The following MEMO1 variants were observed in gnomAD, a reference collection of about 807,000 sequenced individuals.
MEMO1 encodes protein MEMO1.
Under a neutral mutation model 45.2 loss-of-function variants are expected in MEMO1, and 6 were observed. The observed-to-expected ratio is 0.13, with a 90% CI of 0.07 to 0.26. The LOEUF (loss-of-function observed/expected upper bound fraction) is 0.26. Among genes scored for constraint, MEMO1 ranks in the 10% least tolerant of loss-of-function variants. The probability of loss-of-function intolerance (pLI) is 1.00; values close to 1 mark genes in which losing one functional copy is unlikely to be tolerated. For missense variants in MEMO1, 184 were observed against 370.5 expected (o/e 0.50, Z 4.13); for synonymous variants, 78 against 124.3 (o/e 0.63, Z 2.48).
intron 2 of MEMO1, among the ~76,000 whole-genome samples, chr2:31,998,425 A>G (rs1672864402): frequency 6.6e-6 from 1 of 152,120 alleles, no homozygotes; most frequent in South Asian, 2.1e-4. Flanking sequence ...TCATGTTGGA[A>G]TGTTCTAAGG....
At chr2:31,869,476 A>C (rs1673346060) in intron 9 of MEMO1, among the ~76,000 whole-genome samples, 1 of 152,108 alleles carries the variant, frequency 6.6e-6, no homozygotes, top group Admixed American at 6.5e-5. Flanking sequence ...TTAAGAGCAG[A>C]ATCTTCCACT....
intron 4 of MEMO1, among the ~76,000 whole-genome samples, chr2:31,928,747 A>C (rs1040874229): frequency 3.9e-5 from 6 of 152,044 alleles, no homozygotes; most frequent in Admixed American, 1.3e-4. Context: ...ACACATGCAA[A>C]CTATTAGCAT....
chr2:31,986,190 C>T (rs534358573), intron 2 of MEMO1, among the ~76,000 whole-genome samples: 5 of 152,174 alleles, frequency 3.3e-5, no homozygotes, highest in African/African-American at 1.2e-4. Context: ...GTCAGGTGGT[C>T]GAGACCATCC....
intron 2 of MEMO1, among the ~76,000 whole-genome samples, chr2:31,946,356 G>A (rs1173143731): frequency 6.6e-6 from 1 of 151,816 alleles, no homozygotes; most frequent in Non-Finnish European, 1.5e-5. Context: ...AGTTTAAAAT[G>A]GACAGTAAAT....
At chr2:31,998,363 G>A (rs552480035) in intron 2 of MEMO1, among the ~76,000 whole-genome samples, 3 of 152,044 alleles carry the variant, frequency 2.0e-5, no homozygotes, top group Non-Finnish European at 4.4e-5. Context: ...TCCTCCTCAT[G>A]AGATGCTTAA....
At chr2:31,952,281 G>C (rs1230123148) in intron 2 of MEMO1, among the ~76,000 whole-genome samples, 2 of 151,796 alleles carry the variant, frequency 1.3e-5, no homozygotes, top group Admixed American at 1.3e-4. Context: ...TACATTTTTG[G>C]CTATACTGTA....
chr2:31,987,683 C>T (rs1322834110), intron 2 of MEMO1, among the ~76,000 whole-genome samples: 1 of 152,134 alleles, frequency 6.6e-6, no homozygotes, highest in African/African-American at 2.4e-5. Flanking sequence ...GTGGTGATGT[C>T]ACCTTCCACT....
intron 8 of MEMO1, among the ~76,000 whole-genome samples, chr2:31,874,396 T>C (rs561032317): frequency 1.3e-5 from 2 of 152,230 alleles, no homozygotes; most frequent in Middle Eastern, 6.8e-3. Context: ...TATGCTACAG[T>C]TACATAGTTT....
intron 2 of MEMO1, among the ~76,000 whole-genome samples, chr2:31,973,704 G>A (rs1669676836): frequency 6.6e-6 from 1 of 152,156 alleles, no homozygotes; most frequent in Non-Finnish European, 1.5e-5. Flanking sequence ...CTAAGTGAAA[G>A]AAGCCAGACA....
chr2:31,887,678 T>C (rs1233054000), intron 7 of MEMO1, among the ~76,000 whole-genome samples: 1 of 152,184 alleles, frequency 6.6e-6, no homozygotes, highest in Non-Finnish European at 1.5e-5. Flanking sequence ...GAAGTGCTAA[T>C]GTATAAGTAT....
chr2:32,003,114 C>CGA (rs1289334187), intron 2 of MEMO1, among the ~76,000 whole-genome samples: 1 of 152,072 alleles, frequency 6.6e-6, no homozygotes, highest in African/African-American at 2.4e-5. Context: ...TTTTGACACT[C>CGA]TATCTTTTTT....
intron 2 of MEMO1, among the ~76,000 whole-genome samples, chr2:31,948,045 T>C (rs528340251): frequency 6.6e-6 from 1 of 152,320 alleles, no homozygotes; most frequent in East Asian, 1.9e-4. Context: ...AGTTATACAG[T>C]AGGACTGAGA....
At chr2:31,926,847 A>G (rs1378641198) in intron 4 of MEMO1, among the ~76,000 whole-genome samples, 1 of 147,648 alleles carries the variant, frequency 6.8e-6, no homozygotes, top group Non-Finnish European at 1.5e-5. Flanking sequence ...ACTCTGCCTC[A>G]AAAAAAAAAG....
chr2:31,927,566 T>C (rs76208831), intron 4 of MEMO1, among the ~76,000 whole-genome samples: 1 of 152,016 alleles, frequency 6.6e-6, no homozygotes, highest in East Asian at 1.9e-4. Context: ...GAAAACATAG[T>C]TGTCTTTTAT....
intron 2 of MEMO1, among the ~76,000 whole-genome samples, chr2:31,968,308 CCTT>C (rs1158794501): frequency 6.6e-6 from 1 of 152,198 alleles, no homozygotes; most frequent in Admixed American, 6.5e-5. Flanking sequence ...GATCTGAGCT[CCTT>C]CTGGCTTCAA....
chr2:31,871,510 C>G (rs1374283367), intron 8 of MEMO1, among the ~76,000 whole-genome samples: 1 of 134,994 alleles, frequency 7.4e-6, no homozygotes, highest in Non-Finnish European at 1.6e-5. Flanking sequence ...CACACACACA[C>G]ACACACACAT....
Position 31,867,944 on chromosome 2 carries a change from ATTTC to A in MEMO1, c.*413_*416del, listed in dbSNP as rs994850187. 6.6e-6 allele frequency: 1 copy of A among 152,036 alleles called. No homozygotes were observed. The highest frequency in any genetic ancestry group is 1.5e-5 in the Non-Finnish European group (1 of 67,944). 9.4% of individuals were successfully genotyped at this position (152,036 alleles called of 1,614,324 possible). A position where few individuals can be genotyped will look rare whatever the true frequency, so the allele number is the denominator to read the frequency against. On this transcript the variant is annotated 3_prime_UTR_variant, in exon 10 of 10. Coordinates refer to ENST00000404530, the MANE Select transcript of MEMO1 (RefSeq NM_001301833.4). The stretch of plus-strand genomic sequence containing the variant: ...CTAATACAGATCATTTATAAATGCA[ATTTC>A]TTTATTAAAAAGCTTCCACCTTTTT...
At chr2:31,904,414 C>T (rs1032246642) in intron 6 of MEMO1, among the ~76,000 whole-genome samples, 1 of 152,148 alleles carries the variant, frequency 6.6e-6, no homozygotes, top group African/African-American at 2.4e-5. Context: ...ATGACCAGTC[C>T]CCAATAAAAA....
chr2:31,869,796 G>A, intron 9 of MEMO1, 52 bp downstream of exon 9: 1 of 1,526,516 alleles, frequency 6.6e-7, no homozygotes, highest in East Asian at 2.5e-5. Flanking sequence ...ATAATATTTT[G>A]GAATATCATA....
Sources: gnomAD v4.1 joint callset for allele counts (sites outside exome capture counted in the v4.1 genomes callset) on GRCh38, gnomAD v4.1.1 for gene constraint, MANE v1.5 for transcripts, NCBI Gene and HGNC (gene_info 2026-07-23, HGNC 2026-07-21) for gene names.